Variants in EPHA5 observed in about 807,000 individuals in gnomAD.
EPHA5 encodes ephrin type-A receptor 5.
A neutral mutation model predicts 105.0 loss-of-function variants in EPHA5; 60 were observed. The observed-to-expected ratio is 0.57, with a 90% CI of 0.46 to 0.71. The LOEUF is 0.71. EPHA5 is among the 30% of genes least tolerant of loss of function. The pLI is 0.00. For synonymous variants in EPHA5, 513 were observed against 449.1 expected, an observed-to-expected ratio of 1.14 and a Z score of -1.80; for missense variants, 1,218 against 1,274.7, an observed-to-expected ratio of 0.96 and a Z score of 0.68.
At chr4:65,522,805 T>G (rs907177181) in intron 3 of EPHA5, among the ~76,000 whole-genome samples, 1 of 152,002 alleles carries the variant, frequency 6.6e-6, no homozygotes, top group Non-Finnish European at 1.5e-5. Context: ...CTATTTCCTA[T>G]TCATCCAATT....
intron 1 of EPHA5, 138 bp downstream of exon 1, chr4:65,669,424 G>C (rs1030137837): frequency 8.0e-6 from 10 of 1,243,666 alleles, no homozygotes; most frequent in Non-Finnish European, 9.1e-6. Flanking sequence ...CAGTGGAAGG[G>C]GACGACAAAT....
At position 65,605,269 on chromosome 4, in the gene EPHA5, CG is replaced by C. The variant is rs1482917762; in HGVS notation, c.247-2966del. Reference sequence around the variant, plus strand: ...TCAGCCACATTCATCAGAGAAGGGTCGGGGGAAGAAAGAACTTACTTTCATA... The same window carrying C: ...TCAGCCACATTCATCAGAGAAGGGTCGGGGAAGAAAGAACTTACTTTCATA... On this transcript the variant is annotated intron_variant, in intron 2 of 16. Transcript: ENST00000613740. 3.3e-5 allele frequency among the ~76,000 whole-genome samples: 5 copies of C among 152,102 alleles called. No homozygotes were observed. In the South Asian group the frequency reaches 6.2e-4, roughly 19 times the overall value.
At position 65,367,395 on chromosome 4, in the gene EPHA5, T is replaced by C. The variant is rs1270231082; in HGVS notation, c.1823A>G (p.Asp608Gly). 3 of 1,612,428 alleles carry C rather than the reference T, an allele frequency of 1.9e-6. No individual in the cohort carries two copies. The highest frequency in any genetic ancestry group is 2.5e-6 in the Non-Finnish European group (3 of 1,179,322). The change falls in exon 9 of 17, where the codon GAT (aspartate) becomes GGT (glycine). Residue 608 changes from aspartate (D) to glycine (G), a missense_variant. Asp to Gly is a moderately conservative substitution (Grantham distance 94). Around this residue, in one of 3 missense-constraint regions of EPHA5, gnomAD observed 971 missense variants for 1,013.5 expected, o/e 0.96. Transcript: ENST00000613740. Reference protein sequence around the residue: ...RRCGYSKAKQDPEEEKMHFHN... With the variant: ...RRCGYSKAKQGPEEEKMHFHN... ...AAAATGCATCTTTTCCTCTTCTGGA[T>C]CTTGTTTTGCTTTGCTGTAGCCACA...
chr4:65,596,927 A>G (rs765153974), intron 3 of EPHA5, among the ~76,000 whole-genome samples: 1 of 152,158 alleles, frequency 6.6e-6, no homozygotes, highest in Non-Finnish European at 1.5e-5. Context: ...TACCTAATAT[A>G]TTTCCAGCCA....
At chr4:65,427,909 T>C (rs1186418960) in intron 5 of EPHA5, among the ~76,000 whole-genome samples, 7 of 152,182 alleles carry the variant, frequency 4.6e-5, no homozygotes, top group South Asian at 2.1e-4. Flanking sequence ...TTACTATCTA[T>C]GTGTATGATC....
intron 1 of EPHA5, among the ~76,000 whole-genome samples, chr4:65,668,838 G>T (rs1750193446): frequency 6.6e-6 from 1 of 151,802 alleles, no homozygotes. Flanking sequence ...TCCTAGCAGC[G>T]ACACTCCCCC....
chr4:65,330,060 A>G (rs1482495174), intron 16 of EPHA5, among the ~76,000 whole-genome samples: 1 of 151,410 alleles, frequency 6.6e-6, no homozygotes, highest in Non-Finnish European at 1.5e-5. Flanking sequence ...AATTACTGGT[A>G]AGAAATGTAT....
intron 3 of EPHA5, among the ~76,000 whole-genome samples, chr4:65,593,122 T>A (rs941100291): frequency 1.3e-5 from 2 of 152,192 alleles, no homozygotes; most frequent in Non-Finnish European, 2.9e-5. Context: ...TTTATGATAA[T>A]GGGATAGAGA....
intron 1 of EPHA5, among the ~76,000 whole-genome samples, chr4:65,648,456 G>T (rs1748320232): frequency 6.6e-6 from 1 of 152,158 alleles, no homozygotes; most frequent in South Asian, 2.1e-4. Flanking sequence ...CCATCAGTGG[G>T]CAAAGGCTTA....
chr4:65,438,277 G>T (rs1725674685), intron 5 of EPHA5, among the ~76,000 whole-genome samples: 1 of 151,654 alleles, frequency 6.6e-6, no homozygotes, highest in African/African-American at 2.4e-5. Context: ...TATTGCAAAA[G>T]CCTCATATTT....
chr4:65,517,477 G>C (rs1415449163), intron 3 of EPHA5, among the ~76,000 whole-genome samples: 1 of 151,760 alleles, frequency 6.6e-6, no homozygotes, highest in South Asian at 2.1e-4. Flanking sequence ...GTACTCTAAT[G>C]ATCTGCACCT....
chr4:65,634,062 C>A (rs1026726416), intron 2 of EPHA5, among the ~76,000 whole-genome samples: 1 of 151,988 alleles, frequency 6.6e-6, no homozygotes, highest in Non-Finnish European at 1.5e-5. Context: ...GGATGTCATA[C>A]TTTCTTGAGG....
At position 65,592,604 on chromosome 4, in the gene EPHA5, G is replaced by A. The variant is rs542247638; in HGVS notation, c.910+9037C>T. Among the ~76,000 whole-genome samples, 3 of 152,252 alleles carry A rather than the reference G, an allele frequency of 2.0e-5. No homozygotes were observed. In the East Asian group the frequency reaches 5.8e-4, roughly 29 times the overall value. On this transcript the variant is annotated intron_variant, in intron 3 of 16. Coordinates refer to ENST00000613740, the MANE Select transcript of EPHA5 (RefSeq NM_001281766.3). ...TTACCTGATAACCTCCTAATGGGAA[G>A]AAGAAAGCACAACCTTCAAGAATCA...
intron 2 of EPHA5, among the ~76,000 whole-genome samples, chr4:65,614,661 C>G (rs1423924146): frequency 6.6e-6 from 1 of 151,758 alleles, no homozygotes; most frequent in Non-Finnish European, 1.5e-5. Context: ...ATACATTTAA[C>G]TGACTGTTTA....
chr4:65,407,571 C>G (rs1236729120), intron 7 of EPHA5, among the ~76,000 whole-genome samples: 2 of 151,744 alleles, frequency 1.3e-5, no homozygotes, highest in Non-Finnish European at 2.9e-5. Flanking sequence ...CATTAATATT[C>G]TATGTGTTTA....
intron 2 of EPHA5, among the ~76,000 whole-genome samples, chr4:65,635,864 A>G (rs1244676563): frequency 6.6e-6 from 1 of 152,204 alleles, no homozygotes; most frequent in Non-Finnish European, 1.5e-5. Flanking sequence ...CATATAGGCT[A>G]GTGAAGCTAT....
chr4:65,553,768 C>A (rs544097742), intron 3 of EPHA5, among the ~76,000 whole-genome samples: 39 of 152,050 alleles, frequency 2.6e-4, no homozygotes, highest in African/African-American at 9.2e-4. Flanking sequence ...GATGTAGGAC[C>A]TCAAGTGTTT....
At chr4:65,381,915 C>G (rs1719601121) in intron 8 of EPHA5, among the ~76,000 whole-genome samples, 1 of 151,746 alleles carries the variant, frequency 6.6e-6, no homozygotes, top group Non-Finnish European at 1.5e-5. Context: ...AGGCAAGCAC[C>G]TTCAACATTA....
At chr4:65,640,692 A>C (rs1747586170) in intron 2 of EPHA5, among the ~76,000 whole-genome samples, 1 of 152,196 alleles carries the variant, frequency 6.6e-6, no homozygotes. Flanking sequence ...CTGTGTGTGC[A>C]TGTTGGGACA....
Sources: gnomAD v4.1 joint callset for allele counts (sites outside exome capture counted in the v4.1 genomes callset) on GRCh38, gnomAD v4.1.1 for gene constraint, gnomAD v4.1.1 regional missense constraint, MANE v1.5 for transcripts, NCBI Gene and HGNC (gene_info 2026-07-23, HGNC 2026-07-21) for gene names.